Variants in HIVEP3 observed in about 807,000 individuals in gnomAD.
The protein encoded by HIVEP3 is transcription factor HIVEP3.
In HIVEP3, 49 loss-of-function variants were observed where a neutral mutation model predicts 152.8. That is an observed-to-expected ratio of 0.32 (90% CI 0.26 to 0.41). HIVEP3 has a LOEUF of 0.41. Ranked by LOEUF, HIVEP3 falls within the 10% of genes least tolerant of loss-of-function variation. The probability of loss-of-function intolerance (pLI) is 1.00; values close to 1 mark genes in which losing one functional copy is unlikely to be tolerated. For synonymous variants in HIVEP3, 1,269 were observed against 1,289.0 expected, an observed-to-expected ratio of 0.98 and a Z score of 0.33; for missense variants, 2,790 against 3,103.3, an observed-to-expected ratio of 0.90 and a Z score of 2.40.
chr1:41,683,703 C>T (rs1003332176), intron 2 of HIVEP3, among the ~76,000 whole-genome samples: 2 of 152,194 alleles, frequency 1.3e-5, no homozygotes, highest in African/African-American at 4.8e-5. Flanking sequence ...GGAGCATCTT[C>T]TTGGACTCTC....
intron 1 of HIVEP3, among the ~76,000 whole-genome samples, chr1:41,833,819 A>G (rs1282286719): frequency 6.6e-6 from 1 of 152,228 alleles, no homozygotes. Flanking sequence ...ACTAACCACA[A>G]GCTGACCATG....
intron 2 of HIVEP3, among the ~76,000 whole-genome samples, chr1:41,642,090 G>A (rs1483109801): frequency 6.6e-6 from 1 of 152,126 alleles, no homozygotes; most frequent in Non-Finnish European, 1.5e-5. Flanking sequence ...AGGATTTCCT[G>A]CCCCCACCCT....
chr1:41,846,319 T>G (rs1252188167), intron 1 of HIVEP3, among the ~76,000 whole-genome samples: 2 of 152,248 alleles, frequency 1.3e-5, no homozygotes, highest in African/African-American at 4.8e-5. Context: ...GGATATGAAT[T>G]AATGCAAATT....
chr1:41,696,550 C>T (rs971577374), intron 2 of HIVEP3, among the ~76,000 whole-genome samples: 2 of 152,230 alleles, frequency 1.3e-5, no homozygotes, highest in East Asian at 1.9e-4. Flanking sequence ...GATGTGCACC[C>T]GCCAGACACA....
chr1:41,774,938 G>C (rs1025696062), intron 1 of HIVEP3, among the ~76,000 whole-genome samples: 3 of 152,006 alleles, frequency 2.0e-5, no homozygotes, highest in Non-Finnish European at 4.4e-5. Context: ...TGGGACTACA[G>C]GCATGTGCCA....
chr1:41,527,238 TCACCTCACACACACA>T (rs1642997171), intron 5 of HIVEP3, among the ~76,000 whole-genome samples: 1 of 30,866 alleles, frequency 3.2e-5, no homozygotes, highest in Non-Finnish European at 6.5e-5. Context: ...CCTCACACAC[TCACCTCACACACACA>T]CACCCTCACA....
At chr1:41,875,170 G>C (rs1644148038) in intron 1 of HIVEP3, among the ~76,000 whole-genome samples, 1 of 152,234 alleles carries the variant, frequency 6.6e-6, no homozygotes, top group Non-Finnish European at 1.5e-5. Flanking sequence ...CCTTCCTTCA[G>C]GGCTCCAGCA....
intron 1 of HIVEP3, among the ~76,000 whole-genome samples, chr1:41,798,927 A>G (rs78974849): frequency 0.019 from 2,860 of 152,194 alleles, 98 homozygotes; most frequent in East Asian, 0.16. Context: ...GTCTGCCCCA[A>G]TGTTGACATG....
chr1:41,917,921 G>C (rs1557519895), intron 1 of HIVEP3, among the ~76,000 whole-genome samples: 2 of 152,200 alleles, frequency 1.3e-5, no homozygotes, highest in Non-Finnish European at 2.9e-5. Context: ...GCAGGCTACT[G>C]CAGTCCGCCT....
chr1:41,797,692 T>G (rs1276613123), intron 1 of HIVEP3, among the ~76,000 whole-genome samples: 1 of 152,160 alleles, frequency 6.6e-6, no homozygotes, highest in Non-Finnish European at 1.5e-5. Context: ...TACTTGAATT[T>G]GTTTTAAAAA....
rs116867968 is a variant in HIVEP3 at position 42,002,315 on chromosome 1, A to G, written n.119+33492T>C. Among the ~76,000 whole-genome samples the G allele has an allele frequency of 7.6e-4, 115 of 152,234 alleles. 2 individuals are homozygous for G. The East Asian group carries it at 9.5e-3, about 13-fold the overall frequency. Reference sequence around the variant, plus strand: ...ACCCAGATGGCCCAGCAACCAAGGGAACGGGCAGGACCTTCTCACCTTCCC... The same window carrying G: ...ACCCAGATGGCCCAGCAACCAAGGGGACGGGCAGGACCTTCTCACCTTCCC... On this transcript the variant is annotated intron_variant and non_coding_transcript_variant, in intron 1 of 3. Coordinates refer to the HIVEP3 transcript ENST00000489103.
chr1:41,875,862 C>A (rs114646904), intron 1 of HIVEP3, among the ~76,000 whole-genome samples: 1 of 152,348 alleles, frequency 6.6e-6, no homozygotes, highest in African/African-American at 2.4e-5. Context: ...TTCCAAACAC[C>A]TAACAAATTT....
chr1:41,614,074 G>A (rs1644934027), intron 3 of HIVEP3, among the ~76,000 whole-genome samples: 1 of 152,216 alleles, frequency 6.6e-6, no homozygotes. Context: ...GAGCCATCAG[G>A]GCAGTGTGGC....
chr1:41,965,071 C>A (rs72672703), intron 1 of HIVEP3, among the ~76,000 whole-genome samples: 2,412 of 152,324 alleles, frequency 0.016, 47 homozygotes, highest in African/African-American at 0.051. Flanking sequence ...GAACAGGCAG[C>A]CATCTTTGCT....
At chr1:41,562,709 G>A (rs1446931676) in intron 5 of HIVEP3, among the ~76,000 whole-genome samples, 1 of 151,552 alleles carries the variant, frequency 6.6e-6, no homozygotes, top group Non-Finnish European at 1.5e-5. Flanking sequence ...GAATGGGATA[G>A]GAGACTAACA....
intron 5 of HIVEP3, among the ~76,000 whole-genome samples, chr1:41,553,840 T>G (rs1431838720): frequency 2.0e-5 from 3 of 152,272 alleles, no homozygotes. Context: ...CTCTTCTGGC[T>G]TGTAGGGTTT....
intron 1 of HIVEP3, among the ~76,000 whole-genome samples, chr1:41,725,724 G>A (rs983547310): frequency 2.6e-5 from 4 of 152,276 alleles, no homozygotes; most frequent in East Asian, 3.9e-4. Flanking sequence ...AGATCTCCAG[G>A]ATAGGCTCAA....
At chr1:41,659,849 G>A (rs899108276) in intron 2 of HIVEP3, among the ~76,000 whole-genome samples, 1 of 152,254 alleles carries the variant, frequency 6.6e-6, no homozygotes, top group African/African-American at 2.4e-5. Flanking sequence ...TGGGGAGCTA[G>A]TGCCAGGCAC....
chr1:41,560,884 C>T lies in HIVEP3; in HGVS notation c.5207+14660G>A, dbSNP rs143868199. Among the ~76,000 whole-genome samples, 104 of 152,328 alleles carry T rather than the reference C, an allele frequency of 6.8e-4. No individual in the cohort carries two copies. The East Asian group carries it at 0.018, about 26-fold the overall frequency. On this transcript the variant is annotated intron_variant, in intron 5 of 8. Coordinates refer to ENST00000372583, the MANE Select transcript of HIVEP3 (RefSeq NM_024503.5). ...CTGGGCTCTGGAAGGAAAGAATTCC[C>T]AGCAGATGCCTCACCTCAAACCAGG...
Sources: gnomAD v4.1 joint callset for allele counts (sites outside exome capture counted in the v4.1 genomes callset) on GRCh38, gnomAD v4.1.1 for gene constraint, MANE v1.5 for transcripts, NCBI Gene and HGNC (gene_info 2026-07-23, HGNC 2026-07-21) for gene names.